Variants in ATP6V0A4 observed in about 807,000 individuals in gnomAD.
ATP6V0A4 encodes V-type proton ATPase 116 kDa subunit a 4.
Under a neutral mutation model 107.3 loss-of-function variants are expected in ATP6V0A4, and 86 were observed. The ratio of observed to expected loss-of-function variants is 0.80; its 90% CI spans 0.67 to 0.96. The LOEUF (loss-of-function observed/expected upper bound fraction) is 0.96. Among genes scored for constraint, ATP6V0A4 ranks in the 40% least tolerant of loss-of-function variants. The pLI is 0.00. For synonymous variants in ATP6V0A4, 353 were observed against 381.4 expected (o/e 0.93, Z 0.87); for missense variants, 908 against 1,045.6 (o/e 0.87, Z 1.81).
rs75636873 is a variant in ATP6V0A4 at position 138,768,501 on chromosome 7, C to T, written c.291+279G>A. On this transcript the variant is annotated intron_variant, in intron 5 of 21. Transcript: ENST00000310018. Reference sequence around the variant, plus strand: ...GACCACACTGCCTGTAAGAATCAAACACCCACAAAAGCAATCAACTCCTCA... The same window carrying T: ...GACCACACTGCCTGTAAGAATCAAATACCCACAAAAGCAATCAACTCCTCA... Among the ~76,000 whole-genome samples the T allele has an allele frequency of 0.11, 16,995 of 152,084 alleles. 1,175 individuals are homozygous for T. Among genetic ancestry groups the T allele is most frequent in the East Asian group, 0.36 (1,853 of 5,120 alleles).
At chr7:138,770,099 TG>T (rs1429651215) in intron 3 of ATP6V0A4, among the ~76,000 whole-genome samples, 1 of 151,892 alleles carries the variant, frequency 6.6e-6, no homozygotes, top group Non-Finnish European at 1.5e-5. Context: ...TTAAAACTTT[TG>T]TGCATCAAAG....
chr7:138,722,215 A>T lies in ATP6V0A4; in HGVS notation c.2011-190T>A, dbSNP rs1028493787. 1.1e-4 allele frequency: 60 copies of T among 549,584 alleles called. No individual in the cohort carries two copies. The African/African-American group carries it at 1.2e-3, about 11-fold the overall frequency. The allele number at this position is 549,584 out of a possible 1,614,324, so 34.0% of individuals were successfully genotyped here. ...ACAATTATCACCCTATTTTCTAGAG[A>T]AGTAAGCTGCAGCACAGAAAGGTTA... On this transcript the variant is annotated intron_variant, in intron 18 of 21. Transcript: ENST00000310018.
At chr7:138,786,955 T>C (rs1446825291) in intron 1 of ATP6V0A4, among the ~76,000 whole-genome samples, 2 of 152,262 alleles carry the variant, frequency 1.3e-5, no homozygotes, top group African/African-American at 2.4e-5. Flanking sequence ...GTTTCTCTTC[T>C]TTCTCCATTT....
chr7:138,730,931 C>CTTTTTTTTTTTTTTTTTTTTTTTTTT (rs66521953), intron 17 of ATP6V0A4, among the ~76,000 whole-genome samples: 1 of 123,756 alleles, frequency 8.1e-6, no homozygotes, highest in Non-Finnish European at 1.6e-5. Flanking sequence ...TCTTCTTCTT[C>CTTTTTTTTTTTTTTTTTTTTTTTTTT]TTTTTTTATT....
intron 20 of ATP6V0A4, among the ~76,000 whole-genome samples, chr7:138,713,280 GAAAAA>G (rs10673617): frequency 8.3e-6 from 1 of 120,720 alleles, no homozygotes; most frequent in African/African-American, 3.2e-5. Flanking sequence ...ACTCCAGCCT[GAAAAA>G]AAAAAAAAAA....
intron 14 of ATP6V0A4, 48 bp downstream of exon 14, chr7:138,745,075 G>C (rs1371615661): frequency 6.5e-7 from 1 of 1,533,200 alleles, no homozygotes; most frequent in Non-Finnish European, 9.0e-7. Context: ...CAGTCACTGA[G>C]GCCACCTGGA....
intron 18 of ATP6V0A4, among the ~76,000 whole-genome samples, chr7:138,725,806 C>T (rs1383337040): frequency 1.3e-5 from 2 of 152,096 alleles, no homozygotes; most frequent in South Asian, 2.1e-4. Flanking sequence ...AGCCACTGTG[C>T]CCGGTCAGGA....
At chr7:138,749,113 C>A in intron 12 of ATP6V0A4, 54 bp downstream of exon 12, 1 of 1,608,256 alleles carries the variant, frequency 6.2e-7, no homozygotes, top group East Asian at 2.2e-5. Context: ...AGGGGTCCAT[C>A]TTACCAGTTT....
chr7:138,753,914 G>C (rs411974), intron 10 of ATP6V0A4, among the ~76,000 whole-genome samples: 64,844 of 151,946 alleles, frequency 0.43, 14,007 homozygotes, highest in East Asian at 0.55. Flanking sequence ...CTTTGGCAGG[G>C]ACTGAGCCAA....
intron 21 of ATP6V0A4, 136 bp downstream of exon 21, chr7:138,709,488 C>T (rs1803624667): frequency 2.6e-6 from 2 of 782,588 alleles, no homozygotes; most frequent in Non-Finnish European, 4.5e-6. Flanking sequence ...CAACAGATGA[C>T]TAAACTAAGG....
chr7:138,777,353 G>T (rs150266003), intron 2 of ATP6V0A4, among the ~76,000 whole-genome samples: 3,336 of 152,088 alleles, frequency 0.022, 121 homozygotes, highest in African/African-American at 0.076. Flanking sequence ...GGTGGCTCAC[G>T]CCTGTCATCC....
At chr7:138,751,227 C>T (rs1358342643) in intron 11 of ATP6V0A4, among the ~76,000 whole-genome samples, 3 of 152,174 alleles carry the variant, frequency 2.0e-5, no homozygotes, top group African/African-American at 4.8e-5. Context: ...AACCAAAGGT[C>T]ACCTCACCCT....
At chr7:138,737,763 C>CTT (rs35898810) in intron 15 of ATP6V0A4, among the ~76,000 whole-genome samples, 2,595 of 130,876 alleles carry the variant, frequency 0.02, 91 homozygotes, top group African/African-American at 0.068. Context: ...GGTATTTTTA[C>CTT]TTTTTTTTTT....
intron 1 of ATP6V0A4, among the ~76,000 whole-genome samples, chr7:138,794,730 A>G (rs564908425): frequency 1.3e-5 from 2 of 152,210 alleles, no homozygotes; most frequent in South Asian, 4.2e-4. Flanking sequence ...TCCAAAGTAA[A>G]CCTGATGCAA....
chr7:138,759,741 A>G lies in ATP6V0A4; in HGVS notation c.639+11T>C. ...GTCTCAGAGAAAGTTTTTGCAGCCC[A>G]AGGTTCCCACCGTCACAGGATCCTC... On this transcript the variant is annotated intron_variant, in intron 8 of 21. Coordinates refer to ENST00000310018, the MANE Select transcript of ATP6V0A4 (RefSeq NM_020632.3). 6.2e-7 allele frequency: 1 copy of G among 1,614,126 alleles called. No individual in the cohort carries two copies. The highest frequency in any genetic ancestry group is 1.1e-5 in the South Asian group (1 of 91,080).
At chr7:138,784,270 A>G (rs1350112469) in intron 2 of ATP6V0A4, among the ~76,000 whole-genome samples, 4 of 33,382 alleles carry the variant, frequency 1.2e-4, no homozygotes, top group African/African-American at 4.0e-4. Context: ...ATATATACAT[A>G]TATATATATA....
rs1286962432 is a variant in ATP6V0A4, at chr7:138,773,536, G to A, written c.-17-2272C>T. The stretch of plus-strand genomic sequence containing the variant: ...ACACACAAACCAGTGAAGTCCACGA[G>A]GCTAGAACCATTCCCTGTTTCCACT... On this transcript the variant is annotated intron_variant, in intron 2 of 21. Transcript: ENST00000310018. This position sits in a 1 kb window ranked among gnomAD's most constrained non-coding sequence, Gnocchi z 5.4. Among the ~76,000 whole-genome samples, 12 of 152,100 alleles carry A rather than the reference G, an allele frequency of 7.9e-5. No individual in the cohort carries two copies. Among genetic ancestry groups the A allele is most frequent in the African/African-American group, 2.4e-4 (10 of 41,414 alleles).
Position 138,752,652 on chromosome 7 carries a change from AC to A in ATP6V0A4, c.1001del (p.Arg334LeufsTer12). The A allele has an allele frequency of 6.2e-7, 1 of 1,613,626 alleles. No individual in the cohort carries two copies. Among genetic ancestry groups the A allele is most frequent in the Non-Finnish European group, 8.5e-7 (1 of 1,179,854 alleles). ...TGCCTTGCTCCAGTGCCCTCTTGAT[AC>A]GTGTGGCATCTGCCACCGGGAACCA... ...EIWFPVADATRIKRALEQGME... is the reference protein window; with the variant it reads ...EIWFPVADATXIKRALEQGME... On this transcript the variant is annotated frameshift_variant, in exon 11 of 22. Coordinates refer to ENST00000310018, the MANE Select transcript of ATP6V0A4 (RefSeq NM_020632.3). LOFTEE classifies it high-confidence loss of function.
In ATP6V0A4 at chr7:138,797,164, C is replaced by G. The variant is rs183042601; in HGVS notation, c.-121+870G>C. On this transcript the variant is annotated intron_variant, in intron 1 of 21. Transcript: ENST00000310018. The stretch of plus-strand genomic sequence containing the variant: ...ATGCCATCTTCCCCTCTCCCCCTGT[C>G]AAAATTCTAGCCATCCTTCAAGGCC... 8.2e-3 allele frequency among the ~76,000 whole-genome samples: 1,225 copies of G among 149,856 alleles called. 12 individuals carry two copies. The highest frequency in any genetic ancestry group is 0.029 in the African/African-American group (1,165 of 40,834).
Sources: allele counts gnomAD v4.1 joint callset (sites outside exome capture counted in the v4.1 genomes callset), GRCh38; gene constraint gnomAD v4.1.1; non-coding constraint Gnocchi (gnomAD v3.1); transcripts MANE v1.5; gene names NCBI Gene and HGNC (gene_info 2026-07-23, HGNC 2026-07-21).